FANCL: variants seen among roughly 807,000 people sequenced by gnomAD.
FANCL encodes the protein FA complementation group L.
Under a neutral mutation model 59.4 loss-of-function variants are expected in FANCL, and 69 were observed. The ratio of observed to expected loss-of-function variants is 1.16; its 90% CI spans 0.96 to 1.42. The LOEUF (loss-of-function observed/expected upper bound fraction) is 1.42, where lower values mean the gene tolerates loss of function less well. FANCL is among the 40% of genes most tolerant of loss of function. The probability of loss-of-function intolerance (pLI) is 0.00; values close to 1 mark genes in which losing one functional copy is unlikely to be tolerated. For missense variants in FANCL, 519 were observed against 447.2 expected (o/e 1.16, Z -1.45); for synonymous variants, 180 against 147.1 (o/e 1.22, Z -1.62).
intron 6 of FANCL, among the ~76,000 whole-genome samples, chr2:58,200,309 C>G (rs1442311363): frequency 6.6e-6 from 1 of 151,968 alleles, no homozygotes; most frequent in Non-Finnish European, 1.5e-5. Flanking sequence ...GCTCTGCTAA[C>G]TAAGTTGTAT....
chr2:58,232,201 T>C, intron 1 of FANCL, 89 bp from the exon 2 acceptor site: 1 of 1,039,868 alleles, frequency 9.6e-7, no homozygotes, highest in Non-Finnish European at 1.5e-6. Context: ...AAAGACAATG[T>C]TTTCCTTTAT....
chr2:58,230,516 G>C (rs943765296), intron 2 of FANCL, among the ~76,000 whole-genome samples: 1 of 152,048 alleles, frequency 6.6e-6, no homozygotes, highest in Non-Finnish European at 1.5e-5. Flanking sequence ...ATAAGTTAAT[G>C]TTCATCCACT....
chr2:58,181,334 C>T (rs1256082391), intron 7 of FANCL, among the ~76,000 whole-genome samples: 1 of 151,934 alleles, frequency 6.6e-6, no homozygotes, highest in Non-Finnish European at 1.5e-5. Context: ...TTTATAATAT[C>T]TGGAATAGAC....
chr2:58,206,365 A>G (rs963817270), intron 5 of FANCL, among the ~76,000 whole-genome samples: 3 of 152,166 alleles, frequency 2.0e-5, no homozygotes, highest in African/African-American at 7.2e-5. Flanking sequence ...GAATATTTCA[A>G]AGTATTTGTC....
chr2:58,233,581 G>C (rs1455068987), intron 1 of FANCL, among the ~76,000 whole-genome samples: 1 of 151,892 alleles, frequency 6.6e-6, no homozygotes, highest in Admixed American at 6.6e-5. Flanking sequence ...CCAGAAGACA[G>C]GGTACACGAT....
intron 7 of FANCL, among the ~76,000 whole-genome samples, chr2:58,181,390 T>C (rs866391175): frequency 6.6e-5 from 10 of 152,138 alleles, no homozygotes; most frequent in Middle Eastern, 3.4e-3. Context: ...GGGGATTTAC[T>C]AGGATGGGAC....
chr2:58,164,783 T>C lies in FANCL; in HGVS notation c.691+941A>G, dbSNP rs531813832. 7.9e-5 allele frequency among the ~76,000 whole-genome samples: 12 copies of C among 152,224 alleles called. No individual in the cohort carries two copies. The South Asian group carries it at 2.5e-3, about 32-fold the overall frequency. ...TATCTACTTGTTCACAAATATACCA[T>C]AATTTGGTTAATTGTTCCAAATTAA... On this transcript the variant is annotated intron_variant, in intron 8 of 13. Coordinates refer to ENST00000233741, the MANE Select transcript of FANCL (RefSeq NM_018062.4).
intron 7 of FANCL, among the ~76,000 whole-genome samples, chr2:58,176,445 G>A (rs1252376359): frequency 1.3e-5 from 2 of 151,880 alleles, no homozygotes; most frequent in African/African-American, 4.8e-5. Flanking sequence ...TAGATCAATG[G>A]AACAGAACAG....
intron 8 of FANCL, among the ~76,000 whole-genome samples, chr2:58,165,455 T>C (rs890747926): frequency 1.8e-4 from 28 of 152,176 alleles, no homozygotes; most frequent in African/African-American, 6.8e-4. Flanking sequence ...TGTTCCACGA[T>C]TCCTGTGCTA....
chr2:58,222,146 A>G, intron 4 of FANCL, 104 bp from the exon 5 acceptor site: 1 of 777,894 alleles, frequency 1.3e-6, no homozygotes, highest in East Asian at 2.8e-5. Flanking sequence ...GTGCCTAATA[A>G]AAGTGCCTGT....
At chr2:58,237,037 C>T (rs1203248890) in intron 1 of FANCL, among the ~76,000 whole-genome samples, 3 of 152,052 alleles carry the variant, frequency 2.0e-5, no homozygotes, top group African/African-American at 7.2e-5. Flanking sequence ...CCCCCTCTCA[C>T]TAACTGATAG....
intron 1 of FANCL, 26 bp from the exon 2 acceptor site, chr2:58,232,138 C>G (rs777548616): frequency 6.3e-7 from 1 of 1,595,174 alleles, no homozygotes; most frequent in Non-Finnish European, 8.6e-7. Context: ...AAAAGGATCA[C>G]TCAAATTTTT....
Position 58,213,223 on chromosome 2 carries a change from T to A in FANCL, c.374+8719A>T, listed in dbSNP as rs539457516. Among the ~76,000 whole-genome samples the A allele has an allele frequency of 8.5e-5, 13 of 152,312 alleles. No individual in the cohort carries two copies. In the East Asian group the frequency reaches 2.5e-3, roughly 29 times the overall value. On this transcript the variant is annotated intron_variant, in intron 5 of 13. Coordinates refer to ENST00000233741, the MANE Select transcript of FANCL (RefSeq NM_018062.4). ...TCTGTCATGCAAATCATTGTGTGTG[T>A]CATTTCAAAAGATAATTTAAATTAA...
At chr2:58,221,853 A>C (rs1305986538) in intron 5 of FANCL, 89 bp downstream of exon 5, 4 of 882,236 alleles carry the variant, frequency 4.5e-6, no homozygotes, top group Non-Finnish European at 7.3e-6. Context: ...CTTTGACTAA[A>C]ATCAGGTATA....
intron 5 of FANCL, among the ~76,000 whole-genome samples, chr2:58,211,737 T>C (rs957027518): frequency 1.4e-5 from 2 of 146,128 alleles, no homozygotes; most frequent in African/African-American, 5.0e-5. Flanking sequence ...CTCAAGTTCA[T>C]AGTTCCACAT....
intron 7 of FANCL, among the ~76,000 whole-genome samples, chr2:58,178,661 C>T (rs899298570): frequency 6.6e-6 from 1 of 151,960 alleles, no homozygotes; most frequent in Non-Finnish European, 1.5e-5. Context: ...ATTCCCTTTG[C>T]AAACCAGCAC....
intron 5 of FANCL, among the ~76,000 whole-genome samples, chr2:58,220,981 G>C (rs1174255109): frequency 6.6e-6 from 1 of 152,196 alleles, no homozygotes; most frequent in Admixed American, 6.5e-5. Flanking sequence ...GGGAGGCTGA[G>C]GCGGGCGGAT....
chr2:58,162,960 G>A lies in FANCL; in HGVS notation c.822-13C>T, dbSNP rs756047554. ...ATTTTCTGGATCCCTGAAAGCATGG[G>A]GAAAAAAATTATGCTGTGAACTTTG... On this transcript the variant is annotated splice_polypyrimidine_tract_variant and intron_variant, in intron 10 of 13. Coordinates refer to ENST00000233741, the MANE Select transcript of FANCL (RefSeq NM_018062.4). 5 of 1,612,068 alleles carry A rather than the reference G, an allele frequency of 3.1e-6. No homozygotes were observed. Among genetic ancestry groups the A allele is most frequent in the Non-Finnish European group, 4.2e-6 (5 of 1,178,744 alleles).
At chr2:58,236,443 T>C (rs969919609) in intron 1 of FANCL, among the ~76,000 whole-genome samples, 5 of 151,130 alleles carry the variant, frequency 3.3e-5, no homozygotes, top group African/African-American at 4.8e-5. Flanking sequence ...ATGTATATTA[T>C]AAACCCTTTA....
Sources: gnomAD v4.1 joint callset for allele counts (sites outside exome capture counted in the v4.1 genomes callset) on GRCh38, gnomAD v4.1.1 for gene constraint, MANE v1.5 for transcripts, NCBI Gene and HGNC (gene_info 2026-07-23, HGNC 2026-07-21) for gene names.